ATG3: variants seen among roughly 807,000 people sequenced by gnomAD.
ATG3 encodes the protein autophagy related 3.
Under a neutral mutation model 50.7 loss-of-function variants are expected in ATG3, and 25 were observed. That is an observed-to-expected ratio of 0.49 (90% CI 0.36 to 0.69). The LOEUF is 0.69. Among genes scored for constraint, ATG3 ranks in the 30% least tolerant of loss-of-function variants. The pLI is 0.00. For missense variants in ATG3, 281 were observed against 376.0 expected, an observed-to-expected ratio of 0.75 and a Z score of 2.09; for synonymous variants, 119 against 125.5, an observed-to-expected ratio of 0.95 and a Z score of 0.34.
chr3:112,561,693 G>A lies in ATG3; in HGVS notation c.-165C>T. 1.5e-6 allele frequency: 1 copy of A among 681,578 alleles called. No individual in the cohort carries two copies. Among genetic ancestry groups the A allele is most frequent in the East Asian group, 3.0e-5 (1 of 32,948 alleles). The allele number at this position is 681,578 out of a possible 1,614,324, so 42.2% of individuals were successfully genotyped here. A position where few individuals can be genotyped will look rare whatever the true frequency, so the allele number is the denominator to read the frequency against. On this transcript the variant is annotated 5_prime_UTR_variant, in exon 1 of 12. Coordinates refer to ENST00000283290, the MANE Select transcript of ATG3 (RefSeq NM_022488.5). ...ACGCGACGGGACGGGCGGGACGAGG[G>A]GGCGGGGCGGCAGGCACAGCGCGCG...
intron 2 of ATG3, chr3:112,558,090 C>G: frequency 2.7e-6 from 1 of 373,986 alleles, no homozygotes; most frequent in Non-Finnish European, 4.9e-6. Context: ...CAATATAACA[C>G]CAATACAAGT....
intron 11 of ATG3, chr3:112,533,851 G>A (rs1440047459): frequency 5.0e-6 from 5 of 991,570 alleles, no homozygotes; most frequent in Non-Finnish European, 6.0e-6. Context: ...AGCACTTCAC[G>A]TAGTACATTA....
chr3:112,534,636 A>G (rs1293313914), intron 10 of ATG3: 1 of 172,602 alleles, frequency 5.8e-6, no homozygotes, highest in Non-Finnish European at 1.2e-5. Flanking sequence ...TAGTCACAGC[A>G]GACACCATGG....
chr3:112,536,136 AT>A, intron 10 of ATG3: 1 of 113,152 alleles, frequency 8.8e-6, no homozygotes, highest in East Asian at 2.0e-4. Flanking sequence ...ACAGCAAACC[AT>A]ATCTAAATGA....
intron 7 of ATG3, 62 bp from the exon 8 acceptor site, chr3:112,538,242 A>G (rs1387790287): frequency 7.8e-6 from 10 of 1,280,708 alleles, no homozygotes; most frequent in Non-Finnish European, 9.8e-6. Flanking sequence ...CCCTAAACCA[A>G]TTTAAGTATT....
At chr3:112,543,077 C>T (rs889809917) in intron 6 of ATG3, among the ~76,000 whole-genome samples, 2 of 151,976 alleles carry the variant, frequency 1.3e-5, no homozygotes, top group Non-Finnish European at 2.9e-5. Context: ...AACTTGTCTT[C>T]GTTTCTATCA....
At chr3:112,556,412 G>GC (rs1226998217) in intron 2 of ATG3, among the ~76,000 whole-genome samples, 108 of 146,198 alleles carry the variant, frequency 7.4e-4, no homozygotes, top group Non-Finnish European at 1.2e-3. Context: ...GGGGGGGTCA[G>GC]CCCCCCGCCC....
rs1933886094 is a variant in ATG3 at position 112,561,595 on chromosome 3, A to G, written c.-67T>C. 14 of 1,513,328 alleles carry G rather than the reference A, an allele frequency of 9.3e-6. No individual in the cohort carries two copies. The South Asian group carries it at 1.5e-4, about 16-fold the overall frequency. 93.7% of individuals were successfully genotyped at this position (1,513,328 alleles called of 1,614,324 possible). On this transcript the variant is annotated 5_prime_UTR_variant, in exon 1 of 12. Coordinates refer to ENST00000283290, the MANE Select transcript of ATG3 (RefSeq NM_022488.5). ...AGTGCAGCCGTGTCAGGGGCCAGGG[A>G]GTCAGAAAATGTCCTCGCTGCCACC...
Position 112,536,468 on chromosome 3 carries a change from T to TACA in ATG3, c.794+4_794+6dup. On this transcript the variant is annotated splice_region_variant and intron_variant, in intron 10 of 11. Coordinates refer to ENST00000283290, the MANE Select transcript of ATG3 (RefSeq NM_022488.5). ...CAAAAAATATATTTATCTCTACATA[T>TACA]ACAGACCTGCATGGGTGAACTGAAC... is the stretch of plus-strand genomic sequence containing the variant. 1 of 1,610,444 alleles carries TACA rather than the reference T, an allele frequency of 6.2e-7. No homozygotes were observed. The highest frequency in any genetic ancestry group is 8.5e-7 in the Non-Finnish European group (1 of 1,176,638).
intron 9 of ATG3, among the ~76,000 whole-genome samples, chr3:112,537,185 G>A (rs929913526): frequency 1.3e-5 from 2 of 152,066 alleles, no homozygotes; most frequent in African/African-American, 4.8e-5. Context: ...AGACAAGTTT[G>A]TGGCTATCAA....
At chr3:112,555,489 AC>A (rs1247988393) in intron 2 of ATG3, among the ~76,000 whole-genome samples, 154 of 152,356 alleles carry the variant, frequency 1.0e-3, no homozygotes, top group Non-Finnish European at 1.6e-3. Context: ...ATAGTATTCT[AC>A]TTAAACAAGT....
At chr3:112,543,112 A>C (rs1252849042) in intron 6 of ATG3, among the ~76,000 whole-genome samples, 1 of 152,106 alleles carries the variant, frequency 6.6e-6, no homozygotes, top group South Asian at 2.1e-4. Flanking sequence ...CCAGTAACAA[A>C]TCTAGAAAGA....
chr3:112,534,970 A>G (rs571709217), intron 10 of ATG3: 3 of 152,030 alleles, frequency 2.0e-5, no homozygotes, highest in Non-Finnish European at 4.4e-5. Context: ...AATTTATCCA[A>G]TTCTATGTAA....
intron 10 of ATG3, chr3:112,534,745 C>G (rs148856509): frequency 6.9e-6 from 1 of 145,868 alleles, no homozygotes; most frequent in African/African-American, 2.5e-5. Flanking sequence ...TAGCTGTTTG[C>G]TCTAAGAAAC....
intron 7 of ATG3, among the ~76,000 whole-genome samples, chr3:112,538,537 TGATTTA>T (rs140641320): frequency 1.3e-3 from 202 of 152,350 alleles, no homozygotes; most frequent in Non-Finnish European, 2.6e-3. Context: ...ACATGTGGCA[TGATTTA>T]GTCCCTTCTC....
chr3:112,553,419 G>A, intron 2 of ATG3, 90 bp from the exon 3 acceptor site: 1 of 1,071,236 alleles, frequency 9.3e-7, no homozygotes, highest in South Asian at 1.3e-5. Context: ...CCAAACTGAT[G>A]GCACTAGGTA....
intron 1 of ATG3, among the ~76,000 whole-genome samples, chr3:112,561,206 C>CG (rs1193453214): frequency 6.6e-6 from 1 of 152,200 alleles, no homozygotes; most frequent in African/African-American, 2.4e-5. Flanking sequence ...CGTACCCGAC[C>CG]GCGCAGAGTT....
At chr3:112,543,090 TTC>T (rs1364838055) in intron 6 of ATG3, among the ~76,000 whole-genome samples, 2 of 152,068 alleles carry the variant, frequency 1.3e-5, no homozygotes, top group African/African-American at 2.4e-5. Context: ...TTCTATCACT[TTC>T]TGTTAAGCCC....
chr3:112,538,668 TA>T (rs770354580), intron 7 of ATG3, among the ~76,000 whole-genome samples: 15 of 152,302 alleles, frequency 9.8e-5, no homozygotes, highest in Middle Eastern at 6.8e-3. Context: ...ACCTCTACTT[TA>T]AAAAGAACCA....
Sources: allele counts gnomAD v4.1 joint callset (sites outside exome capture counted in the v4.1 genomes callset), GRCh38; gene constraint gnomAD v4.1.1; transcripts MANE v1.5; gene names NCBI Gene and HGNC (gene_info 2026-07-23, HGNC 2026-07-21).